The following UGGT1 variants were observed in gnomAD, a reference collection of about 807,000 sequenced individuals.
The protein encoded by UGGT1 is UDP-glucose:glycoprotein glucosyltransferase 1.
Under a neutral mutation model 203.9 loss-of-function variants are expected in UGGT1, and 107 were observed. That is an observed-to-expected ratio of 0.52 (90% CI 0.45 to 0.62). UGGT1 has a LOEUF of 0.62. Among genes scored for constraint, UGGT1 ranks in the 20% least tolerant of loss-of-function variants. The pLI, the probability that UGGT1 is intolerant of heterozygous loss-of-function variation, is 0.00. For synonymous variants in UGGT1, 628 were observed against 653.5 expected (o/e 0.96, Z 0.59); for missense variants, 1,673 against 1,867.2 (o/e 0.90, Z 1.92).
intron 26 of UGGT1, among the ~76,000 whole-genome samples, chr2:128,166,252 G>T (rs144106556): frequency 2.6e-3 from 397 of 152,260 alleles, no homozygotes; most frequent in Admixed American, 4.1e-3. Flanking sequence ...GTGTCTGCAT[G>T]TGTGTGTTTG....
rs143599852 is a variant in UGGT1, at chr2:128,113,147, G to C, written c.585G>C (p.Val195=). 22 of 1,612,268 alleles carry C rather than the reference G, an allele frequency of 1.4e-5. No individual in the cohort carries two copies. The African/African-American group carries it at 2.9e-4, about 22-fold the overall frequency. Reference sequence around the variant, plus strand: ...CCTCGTCTAATCCTGAAAGCCCTGTGGTGATTTTCTACTCTGAGATTGGCT... The same window carrying C: ...CCTCGTCTAATCCTGAAAGCCCTGTCGTGATTTTCTACTCTGAGATTGGCT... ...RYPSSNPESP[V]VIFYSEIGSE... is the part of the protein sequence containing the mutation. The change falls in exon 6 of 41, where the codon GTG becomes GTC. Residue 195 remains valine, a synonymous_variant. Coordinates refer to ENST00000259253, the MANE Select transcript of UGGT1 (RefSeq NM_020120.4).
intron 1 of UGGT1, among the ~76,000 whole-genome samples, chr2:128,093,971 A>T (rs1019679455): frequency 6.6e-6 from 1 of 152,192 alleles, no homozygotes; most frequent in Non-Finnish European, 1.5e-5. Context: ...GTGTATGTAA[A>T]GCACCTAATA....
At chr2:128,139,224 C>A (rs1689289657) in intron 16 of UGGT1, among the ~76,000 whole-genome samples, 1 of 152,180 alleles carries the variant, frequency 6.6e-6, no homozygotes. Flanking sequence ...TTGAATATAT[C>A]TTCCACAACG....
At chr2:128,156,059 A>G (rs938519552) in intron 20 of UGGT1, among the ~76,000 whole-genome samples, 1 of 152,226 alleles carries the variant, frequency 6.6e-6, no homozygotes, top group African/African-American at 2.4e-5. Flanking sequence ...TGGCGGACAG[A>G]TTCTGTCGCC....
intron 35 of UGGT1, among the ~76,000 whole-genome samples, chr2:128,180,433 G>A (rs953433541): frequency 2.6e-5 from 4 of 152,096 alleles, no homozygotes; most frequent in African/African-American, 9.7e-5. Flanking sequence ...GGCGCCTAAA[G>A]GTGCTTATAC....
intron 26 of UGGT1, among the ~76,000 whole-genome samples, chr2:128,167,303 C>A (rs1690845548): frequency 6.6e-6 from 1 of 152,166 alleles, no homozygotes; most frequent in Non-Finnish European, 1.5e-5. Flanking sequence ...ATTATAAATT[C>A]TATTATGAGA....
At chr2:128,186,895 T>A (rs1692009699) in intron 39 of UGGT1, 96 bp downstream of exon 39, 3 of 943,354 alleles carry the variant, frequency 3.2e-6, no homozygotes, top group Admixed American at 2.5e-5. Flanking sequence ...AATTTAAGAA[T>A]TTCCTAGATT....
chr2:128,113,645 C>T (rs1036068635), intron 6 of UGGT1, among the ~76,000 whole-genome samples: 2 of 152,068 alleles, frequency 1.3e-5, no homozygotes, highest in African/African-American at 4.8e-5. Context: ...ATTTTCTAAA[C>T]AGGCGATTCA....
chr2:128,185,187 A>ATTTGT (rs1691908450), intron 38 of UGGT1, among the ~76,000 whole-genome samples: 1 of 142,080 alleles, frequency 7.0e-6, no homozygotes, highest in Admixed American at 7.0e-5. Context: ...ACCCAACAGT[A>ATTTGT]TTTGTTTCTC....
intron 2 of UGGT1, among the ~76,000 whole-genome samples, chr2:128,100,950 C>A (rs557119710): frequency 1.2e-4 from 18 of 152,298 alleles, no homozygotes; most frequent in Non-Finnish European, 2.4e-4. Flanking sequence ...CACCAACTTC[C>A]TTATCACAGA....
At position 128,161,203 on chromosome 2, in the gene UGGT1, C is replaced by T. The variant is rs866756579; in HGVS notation, c.2760C>T (p.Ile920=). Residue 920 remains isoleucine (I), a synonymous_variant, in exon 25 of 41, where the codon ATC becomes ATT. Transcript: ENST00000259253. ...NQDDFHLLEN[I]ILKTSGQKIK... ...ACGATTTCCACCTCCTCGAAAATAT[C>T]ATCTTAAAAACCTCAGGACAGAAAA... The T allele has an allele frequency of 6.2e-7, 1 of 1,613,994 alleles. No homozygotes were observed. Among genetic ancestry groups the T allele is most frequent in the Non-Finnish European group, 8.5e-7 (1 of 1,179,974 alleles).
intron 3 of UGGT1, among the ~76,000 whole-genome samples, chr2:128,106,997 T>G (rs1183858798): frequency 6.6e-6 from 1 of 152,174 alleles, no homozygotes; most frequent in Non-Finnish European, 1.5e-5. Flanking sequence ...AAATGGAAAA[T>G]TTAAGTTTTT....
chr2:128,129,792 A>G (rs1051905212), intron 13 of UGGT1, among the ~76,000 whole-genome samples: 2 of 152,214 alleles, frequency 1.3e-5, no homozygotes, highest in African/African-American at 2.4e-5. Flanking sequence ...TCAATTGCAT[A>G]CAGATCTTGT....
chr2:128,133,244 A>C lies in UGGT1; in HGVS notation c.1481A>C (p.Lys494Thr). 6.2e-7 allele frequency: 1 copy of C among 1,613,850 alleles called. No homozygotes were observed. The highest frequency in any genetic ancestry group is 8.5e-7 in the Non-Finnish European group (1 of 1,179,828). ...CCTGGTGTTATTCGGCAGATCAGGAAAAACTTACATAATATGGTAAGTAAA... is the reference window on the plus strand; with the variant it reads ...CCTGGTGTTATTCGGCAGATCAGGACAAACTTACATAATATGGTAAGTAAA... ...TFPGVIRQIR[K>T]NLHNMVFIVD... The change falls in exon 14 of 41, where the codon AAA (lysine) becomes ACA (threonine). Residue 494 changes from lysine (K) to threonine (T), a missense_variant. Lys to Thr is a moderately conservative substitution (Grantham distance 78, BLOSUM62 -1). Transcript: ENST00000259253.
intron 35 of UGGT1, among the ~76,000 whole-genome samples, chr2:128,180,323 C>T (rs1383033541): frequency 1.3e-5 from 2 of 152,188 alleles, no homozygotes; most frequent in African/African-American, 4.8e-5. Flanking sequence ...TATTTGTCAT[C>T]TAAGTTGATT....
intron 28 of UGGT1, 141 bp from the exon 29 acceptor site, chr2:128,172,432 T>A: frequency 8.4e-7 from 1 of 1,191,044 alleles, no homozygotes. Context: ...CAAAGATGGT[T>A]TTGGAAACAC....
intron 18 of UGGT1, 91 bp downstream of exon 18, chr2:128,146,058 C>T: frequency 6.7e-7 from 1 of 1,500,214 alleles, no homozygotes; most frequent in South Asian, 1.2e-5. Flanking sequence ...TTCTTAGTAT[C>T]ACTATTTGGG....
rs796424510 is a variant in UGGT1, at chr2:128,185,293, G to C, written c.4360-1390G>C. Among the ~76,000 whole-genome samples the C allele has an allele frequency of 2.1e-5, 3 of 146,270 alleles. No homozygotes were observed. The South Asian group carries it at 6.5e-4, about 32-fold the overall frequency. Reference sequence around the variant, plus strand: ...CAGCTCACTGCAACCTCAGCCTCCCGAGCAGGTGGGATTACAGAGGCGTGC... The same window carrying C: ...CAGCTCACTGCAACCTCAGCCTCCCCAGCAGGTGGGATTACAGAGGCGTGC... On this transcript the variant is annotated intron_variant, in intron 38 of 40. Transcript: ENST00000259253.
chr2:128,188,033 T>C (rs1424763956), intron 40 of UGGT1, among the ~76,000 whole-genome samples: 2 of 150,574 alleles, frequency 1.3e-5, no homozygotes, highest in East Asian at 3.9e-4. Flanking sequence ...TTTTTTTTTT[T>C]TTTTTGAGAC....
Sources: gnomAD v4.1 joint callset for allele counts (sites outside exome capture counted in the v4.1 genomes callset) on GRCh38, gnomAD v4.1.1 for gene constraint, MANE v1.5 for transcripts, NCBI Gene and HGNC (gene_info 2026-07-23, HGNC 2026-07-21) for gene names.